ZFYVE9: variants seen among roughly 807,000 people sequenced by gnomAD.
The protein encoded by ZFYVE9 is zinc finger FYVE domain-containing protein 9.
ZFYVE9 carries 43 observed loss-of-function variants against 126.7 expected under a neutral mutation model. That is an observed-to-expected ratio of 0.34 (90% CI 0.27 to 0.44). The LOEUF is 0.44. Among genes scored for constraint, ZFYVE9 ranks in the 20% least tolerant of loss-of-function variants. The pLI is 1.00. For missense variants in ZFYVE9, 1,476 were observed against 1,697.0 expected (o/e 0.87, Z 2.29); for synonymous variants, 521 against 597.4 (o/e 0.87, Z 1.87).
chr1:52,315,100 C>G (rs934741902), intron 13 of ZFYVE9, among the ~76,000 whole-genome samples: 2 of 152,140 alleles, frequency 1.3e-5, no homozygotes. Flanking sequence ...TATAGGTAAA[C>G]ATAACATCTT....
chr1:52,274,384 T>C lies in ZFYVE9; in HGVS notation c.2626-80T>C, dbSNP rs1645724503. 2.8e-6 allele frequency: 4 copies of C among 1,445,834 alleles called. No homozygotes were observed. In the Admixed American group the frequency reaches 8.4e-5, roughly 30 times the overall value. The allele number at this position is 1,445,834 out of a possible 1,614,324, so 89.6% of individuals were successfully genotyped here. ...ATGAATTTCAGATTTTCACTTAAGT[T>C]CCCATTTGTATTTTTAATTATGTCC... On this transcript the variant is annotated intron_variant, in intron 7 of 18. Transcript: ENST00000287727.
chr1:52,301,454 C>A (rs894112079), intron 12 of ZFYVE9, among the ~76,000 whole-genome samples: 1 of 151,842 alleles, frequency 6.6e-6, no homozygotes, highest in African/African-American at 2.4e-5. Flanking sequence ...AGGTACGTGC[C>A]GCTATGCCCA....
intron 12 of ZFYVE9, 50 bp from the exon 13 acceptor site, chr1:52,303,771 C>A (rs1646056585): frequency 5.2e-6 from 6 of 1,163,814 alleles, no homozygotes; most frequent in South Asian, 4.0e-5. Flanking sequence ...ATAAATTAAA[C>A]CCTACCATTG....
intron 10 of ZFYVE9, among the ~76,000 whole-genome samples, chr1:52,282,151 ATATT>A (rs1055659331): frequency 6.6e-6 from 1 of 152,210 alleles, no homozygotes; most frequent in African/African-American, 2.4e-5. Flanking sequence ...TTGGTTAACA[ATATT>A]TATTTAATCA....
At chr1:52,274,180 C>T (rs960623) in intron 7 of ZFYVE9, among the ~76,000 whole-genome samples, 11 of 152,188 alleles carry the variant, frequency 7.2e-5, no homozygotes, top group Admixed American at 2.0e-4. Flanking sequence ...CAAAAGAAAC[C>T]TGGGTAAAGG....
chr1:52,156,087 A>G (rs115071921), intron 1 of ZFYVE9, among the ~76,000 whole-genome samples: 21 of 152,348 alleles, frequency 1.4e-4, no homozygotes, highest in African/African-American at 4.3e-4. Context: ...TCTGCAGACT[A>G]TTATGATAGA....
chr1:52,148,127 C>G (rs1644321266), intron 1 of ZFYVE9, among the ~76,000 whole-genome samples: 1 of 151,602 alleles, frequency 6.6e-6, no homozygotes, highest in South Asian at 2.1e-4. Context: ...GAAGCTTTTA[C>G]TTGCAGATGC....
chr1:52,201,089 A>G (rs1163729694), intron 1 of ZFYVE9, among the ~76,000 whole-genome samples: 1 of 152,192 alleles, frequency 6.6e-6, no homozygotes, highest in Non-Finnish European at 1.5e-5. Flanking sequence ...TGACATCTTG[A>G]CAATATTAAG....
At chr1:52,153,891 A>G (rs1644378478) in intron 1 of ZFYVE9, among the ~76,000 whole-genome samples, 1 of 152,184 alleles carries the variant, frequency 6.6e-6, no homozygotes, top group Non-Finnish European at 1.5e-5. Context: ...AGACCCATGT[A>G]TTCTTCTTAC....
chr1:52,170,120 T>C (rs747417619), intron 1 of ZFYVE9, among the ~76,000 whole-genome samples: 11 of 152,218 alleles, frequency 7.2e-5, no homozygotes, highest in Non-Finnish European at 1.3e-4. Context: ...TCTTGTTAGA[T>C]AATTCTAAGC....
chr1:52,211,577 G>C (rs886722026), intron 1 of ZFYVE9, among the ~76,000 whole-genome samples: 1 of 152,154 alleles, frequency 6.6e-6, no homozygotes, highest in Non-Finnish European at 1.5e-5. Context: ...TGTACCTGCA[G>C]TCGTAGCTAC....
intron 1 of ZFYVE9, among the ~76,000 whole-genome samples, chr1:52,171,381 T>G (rs1157270075): frequency 2.0e-5 from 3 of 152,234 alleles, no homozygotes; most frequent in African/African-American, 7.2e-5. Context: ...TGCCACATTT[T>G]CTTAATCCAC....
At chr1:52,233,026 C>G (rs1387151733) in intron 2 of ZFYVE9, 145 bp from the exon 3 acceptor site, 1 of 281,734 alleles carries the variant, frequency 3.5e-6, no homozygotes, top group Non-Finnish European at 6.4e-6. Flanking sequence ...GCTTAAAGAT[C>G]TTATAATATA....
At chr1:52,280,989 A>G (rs1187227406) in intron 9 of ZFYVE9, among the ~76,000 whole-genome samples, 6 of 152,152 alleles carry the variant, frequency 3.9e-5, no homozygotes, top group African/African-American at 9.7e-5. Context: ...ATGTTCTTCA[A>G]TCACGTTTGG....
intron 1 of ZFYVE9, among the ~76,000 whole-genome samples, chr1:52,215,584 A>G (rs918591174): frequency 3.3e-5 from 5 of 152,304 alleles, no homozygotes; most frequent in South Asian, 2.1e-4. Flanking sequence ...TGAAAATACT[A>G]TGATTATGTG....
chr1:52,337,845 C>G lies in ZFYVE9; in HGVS notation c.3744C>G (p.Phe1248Leu). ...LRQALREMKDFTITCGKADAE... is the reference protein window; with the variant it reads ...LRQALREMKDLTITCGKADAE... ...AGGCACTGCGAGAGATGAAGGACTT[C>G]ACCATCACCTGTGGGAAGGCGGACG... Residue 1248 changes from phenylalanine to leucine, a missense_variant, in exon 16 of 19, where the codon TTC becomes TTG. Coordinates refer to ENST00000287727, the MANE Select transcript of ZFYVE9 (RefSeq NM_004799.4). The G allele has an allele frequency of 6.2e-7, 1 of 1,614,264 alleles. No individual in the cohort carries two copies.
intron 13 of ZFYVE9, among the ~76,000 whole-genome samples, chr1:52,323,948 A>G (rs538716482): frequency 5.0e-4 from 76 of 150,742 alleles, no homozygotes; most frequent in African/African-American, 1.6e-3. Context: ...AATTTGAGCT[A>G]CTTGAGAGGC....
intron 10 of ZFYVE9, 77 bp from the exon 11 acceptor site, chr1:52,293,376 C>CAAAAAAAAAAA (rs376379860): frequency 1.9e-6 from 1 of 533,096 alleles, no homozygotes; most frequent in African/African-American, 3.7e-5. Context: ...GACTCCGTCT[C>CAAAAAAAAAAA]AAAAAAAAAA....
At chr1:52,175,231 C>G (rs898971058) in intron 1 of ZFYVE9, among the ~76,000 whole-genome samples, 1 of 150,588 alleles carries the variant, frequency 6.6e-6, no homozygotes. Flanking sequence ...ATTTGCTTGT[C>G]TGTAAAGTAT....
Sources: allele counts gnomAD v4.1 joint callset (sites outside exome capture counted in the v4.1 genomes callset), GRCh38; gene constraint gnomAD v4.1.1; transcripts MANE v1.5; gene names NCBI Gene and HGNC (gene_info 2026-07-23, HGNC 2026-07-21).